Variants in GNAI1 observed in about 807,000 individuals in gnomAD.
GNAI1 encodes G protein subunit alpha i1.
In GNAI1, 11 loss-of-function variants were observed where a neutral mutation model predicts 38.9. That is an observed-to-expected ratio of 0.28 (90% CI 0.18 to 0.47). The LOEUF is 0.47. GNAI1 is among the 20% of genes least tolerant of loss of function. GNAI1 has a pLI of 0.99. For missense variants in GNAI1, 317 were observed against 436.9 expected (o/e 0.73, Z 2.45); for synonymous variants, 166 against 145.1 (o/e 1.14, Z -1.04).
rs190405043 is a variant in GNAI1, at chr7:80,212,659, T to C, written c.721-57T>C. ...TTACAACACCTTTTATTTTTTAAAA[T>C]AGTCCTCAAAAATCCTTGCTGTTAG... On this transcript the variant is annotated intron_variant, in intron 6 of 7. Coordinates refer to ENST00000649796, the MANE Select transcript of GNAI1 (RefSeq NM_002069.6). The C allele has an allele frequency of 1.5e-3, 1,554 of 1,036,066 alleles. 2 individuals carry two copies. Among genetic ancestry groups the C allele is most frequent in the African/African-American group, 2.9e-3 (176 of 60,074 alleles). The allele number at this position is 1,036,066 out of a possible 1,614,324, so 64.2% of individuals were successfully genotyped here. A position where few individuals can be genotyped will look rare whatever the true frequency, so the allele number is the denominator to read the frequency against.
intron 1 of GNAI1, among the ~76,000 whole-genome samples, chr7:80,148,110 A>G (rs905800875): frequency 2.6e-5 from 4 of 152,172 alleles, no homozygotes; most frequent in African/African-American, 9.7e-5. Flanking sequence ...GTAGTAAATC[A>G]TCTTAAAGAT....
At chr7:80,155,324 A>T (rs1787799744) in intron 1 of GNAI1, among the ~76,000 whole-genome samples, 1 of 152,204 alleles carries the variant, frequency 6.6e-6, no homozygotes, top group South Asian at 2.1e-4. Context: ...TAAAAAGTAA[A>T]CATTCATTGA....
chr7:80,144,564 G>A (rs1475774860), intron 1 of GNAI1, among the ~76,000 whole-genome samples: 1 of 152,088 alleles, frequency 6.6e-6, no homozygotes, highest in Non-Finnish European at 1.5e-5. Flanking sequence ...AACTCCTCCT[G>A]TTACCCTTGC....
intron 3 of GNAI1, among the ~76,000 whole-genome samples, chr7:80,189,522 C>T (rs1456326777): frequency 1.3e-5 from 2 of 152,086 alleles, no homozygotes; most frequent in Non-Finnish European, 2.9e-5. Flanking sequence ...CCCTGTATTC[C>T]CATAATAATT....
At position 80,226,063 on chromosome 7, in the gene GNAI1, T is replaced by C. The variant is rs192801648; in HGVS notation, c.*8570T>C. On this transcript the variant is annotated 3_prime_UTR_variant, in exon 8 of 8. Coordinates refer to ENST00000649796, the MANE Select transcript of GNAI1 (RefSeq NM_002069.6). The stretch of plus-strand genomic sequence containing the variant: ...TTTAAGTTTGGAAGAACCTGAATGA[T>C]TAAACCTGATTTAAGTCCCTCTAAC... Among the ~76,000 whole-genome samples, 522 of 152,282 alleles carry C rather than the reference T, an allele frequency of 3.4e-3. 6 individuals carry two copies. The highest frequency in any genetic ancestry group is 0.012 in the African/African-American group (493 of 41,550).
chr7:80,137,081 G>A (rs4728017), intron 1 of GNAI1, among the ~76,000 whole-genome samples: 23,907 of 152,006 alleles, frequency 0.16, 2,352 homozygotes, highest in South Asian at 0.32. Flanking sequence ...AGCTCCAAAA[G>A]TGTTTCCACA....
intron 1 of GNAI1, among the ~76,000 whole-genome samples, chr7:80,165,412 G>C (rs982553387): frequency 2.0e-5 from 3 of 152,108 alleles, no homozygotes; most frequent in Non-Finnish European, 2.9e-5. Context: ...ATTCCATCAT[G>C]AATCTGCTAA....
At chr7:80,176,908 G>C (rs551515248) in intron 1 of GNAI1, among the ~76,000 whole-genome samples, 2 of 129,994 alleles carry the variant, frequency 1.5e-5, no homozygotes, top group East Asian at 4.6e-4. Flanking sequence ...CCGCACTCTA[G>C]CCTGGGCGAC....
At chr7:80,159,727 A>G (rs1474504864) in intron 1 of GNAI1, among the ~76,000 whole-genome samples, 1 of 152,036 alleles carries the variant, frequency 6.6e-6, no homozygotes, top group Non-Finnish European at 1.5e-5. Context: ...TCTTGATTTC[A>G]CTTTTTTGTA....
At chr7:80,160,466 G>A (rs1230351602) in intron 1 of GNAI1, among the ~76,000 whole-genome samples, 1 of 151,924 alleles carries the variant, frequency 6.6e-6, no homozygotes, top group African/African-American at 2.4e-5. Flanking sequence ...TGGTATTTCT[G>A]GTGTGGAATT....
chr7:80,195,451 T>G (rs1394009618), intron 3 of GNAI1, among the ~76,000 whole-genome samples: 1 of 151,982 alleles, frequency 6.6e-6, no homozygotes, highest in Non-Finnish European at 1.5e-5. Context: ...AAAAAAAATG[T>G]ATTTTACATG....
chr7:80,143,049 T>C (rs532009450), intron 1 of GNAI1, among the ~76,000 whole-genome samples: 4 of 152,330 alleles, frequency 2.6e-5, no homozygotes, highest in Admixed American at 6.5e-5. Flanking sequence ...AAACCTCAGC[T>C]TTCAGGAGCC....
intron 5 of GNAI1, among the ~76,000 whole-genome samples, chr7:80,205,474 T>C (rs1788757415): frequency 6.6e-6 from 1 of 152,162 alleles, no homozygotes; most frequent in Admixed American, 6.6e-5. Flanking sequence ...GAAATTGGAT[T>C]AGAAAAGGTG....
chr7:80,202,734 A>G (rs1483651394), intron 4 of GNAI1, among the ~76,000 whole-genome samples: 1 of 152,210 alleles, frequency 6.6e-6, no homozygotes, highest in East Asian at 1.9e-4. Context: ...AGGTCTCGTA[A>G]TAAAAACACT....
chr7:80,217,383 A>G lies in GNAI1; in HGVS notation c.955A>G (p.Ile319Val). 3.1e-6 allele frequency: 5 copies of G among 1,606,476 alleles called. No individual in the cohort carries two copies. The highest frequency in any genetic ancestry group is 4.3e-6 in the Non-Finnish European group (5 of 1,174,562). Residue 319 changes from isoleucine (I) to valine (V), a missense_variant, in exon 8 of 8, where the codon ATA (isoleucine) becomes GTA (valine). This residue lies in a region of GNAI1 where 158 missense variants were observed against 234.7 expected (regional missense o/e 0.67). Transcript: ENST00000649796. ...CAATAAAAGAAAGGACACAAAGGAA[A>G]TATACACCCACTTCACATGTGCCAC... The part of the protein sequence containing the change: ...DLNKRKDTKE[I>V]YTHFTCATDT...
intron 1 of GNAI1, among the ~76,000 whole-genome samples, chr7:80,179,973 T>G (rs1213683656): frequency 6.6e-6 from 1 of 152,206 alleles, no homozygotes; most frequent in Non-Finnish European, 1.5e-5. Flanking sequence ...CTGTATCTTC[T>G]TGTCTCTGCA....
intron 1 of GNAI1, among the ~76,000 whole-genome samples, chr7:80,183,494 C>T (rs551014723): frequency 6.6e-6 from 1 of 152,118 alleles, no homozygotes; most frequent in Non-Finnish European, 1.5e-5. Context: ...GGTATGAGGA[C>T]TTCAGCATAA....
chr7:80,187,217 G>GTGTGTGTGTGTA (rs1788402380), intron 1 of GNAI1: 1 of 123,002 alleles, frequency 8.1e-6, no homozygotes, highest in Admixed American at 8.2e-5. Flanking sequence ...CTTTGTGTGT[G>GTGTGTGTGTGTA]TGTGTGTGTG....
At chr7:80,154,112 G>A (rs1305799229) in intron 1 of GNAI1, among the ~76,000 whole-genome samples, 2 of 151,942 alleles carry the variant, frequency 1.3e-5, no homozygotes, top group Non-Finnish European at 2.9e-5. Context: ...TTGTAGAGAT[G>A]AGGTTTCACC....
Sources: gnomAD v4.1 joint callset for allele counts (sites outside exome capture counted in the v4.1 genomes callset) on GRCh38, gnomAD v4.1.1 for gene constraint, gnomAD v4.1.1 regional missense constraint, MANE v1.5 for transcripts, NCBI Gene and HGNC (gene_info 2026-07-23, HGNC 2026-07-21) for gene names.